CRY1: variants seen among roughly 807,000 people sequenced by gnomAD.
CRY1 encodes cryptochrome-1.
In CRY1, 45 loss-of-function variants were observed where a neutral mutation model predicts 76.0. That is an observed-to-expected ratio of 0.59 (90% CI 0.47 to 0.76). The LOEUF (loss-of-function observed/expected upper bound fraction) is 0.76. Among genes scored for constraint, CRY1 ranks in the 30% least tolerant of loss-of-function variants. CRY1 has a pLI of 0.00. For missense variants in CRY1, 587 were observed against 716.4 expected (o/e 0.82, Z 2.06); for synonymous variants, 248 against 244.0 (o/e 1.02, Z -0.15).
chr12:107,000,152 G>T, intron 5 of CRY1, 70 bp from the exon 6 acceptor site: 2 of 1,455,998 alleles, frequency 1.4e-6, no homozygotes, highest in Non-Finnish European at 1.8e-6. Flanking sequence ...TCAGAATGGA[G>T]ATTTTTTTTT....
chr12:107,073,133 T>C (rs1201716538), intron 1 of CRY1: 1 of 151,942 alleles, frequency 6.6e-6, no homozygotes, highest in Admixed American at 6.6e-5. Flanking sequence ...TATATCATCT[T>C]TGGGTGGGAA....
At chr12:107,071,143 C>T (rs1953186814) in intron 1 of CRY1, among the ~76,000 whole-genome samples, 1 of 152,048 alleles carries the variant, frequency 6.6e-6, no homozygotes, top group South Asian at 2.1e-4. Flanking sequence ...TAGTTAGTAC[C>T]TCTGGCACAA....
At chr12:107,085,898 A>C (rs1953394304) in intron 1 of CRY1, among the ~76,000 whole-genome samples, 1 of 152,160 alleles carries the variant, frequency 6.6e-6, no homozygotes, top group African/African-American at 2.4e-5. Flanking sequence ...CAAAAACAAA[A>C]AACCTCATAC....
intron 10 of CRY1, among the ~76,000 whole-genome samples, chr12:106,996,083 T>A (rs1952230772): frequency 6.6e-6 from 1 of 152,162 alleles, no homozygotes; most frequent in Non-Finnish European, 1.5e-5. Flanking sequence ...CAACCTCAGG[T>A]GATCCACCCA....
intron 1 of CRY1, among the ~76,000 whole-genome samples, chr12:107,087,029 A>G (rs1953410522): frequency 6.6e-6 from 1 of 152,124 alleles, no homozygotes; most frequent in South Asian, 2.1e-4. Flanking sequence ...AAAGAAAGGA[A>G]AAGAAAAGAG....
intron 1 of CRY1, among the ~76,000 whole-genome samples, chr12:107,028,855 G>GA (rs1236433321): frequency 1.3e-5 from 2 of 151,354 alleles, no homozygotes; most frequent in African/African-American, 4.9e-5. Flanking sequence ...GGAAAGTTCA[G>GA]AAAAAAAAGC....
At chr12:107,005,068 A>T in intron 3 of CRY1, 38 bp downstream of exon 3, 1 of 1,574,844 alleles carries the variant, frequency 6.3e-7, no homozygotes, top group Non-Finnish European at 8.7e-7. Context: ...ATTATGTTAT[A>T]CGCATTTTCC....
At chr12:107,036,586 T>G (rs1356728091) in intron 1 of CRY1, among the ~76,000 whole-genome samples, 1 of 109,478 alleles carries the variant, frequency 9.1e-6, no homozygotes, top group Non-Finnish European at 1.6e-5. Context: ...AAGTTGGTGG[T>G]TTTTTTTTTT....
rs1952565203 is a variant in CRY1 at position 107,022,100 on chromosome 12, AAC to A, written c.249_250del (p.Phe84SerfsTer11). The A allele has an allele frequency of 1.2e-6, 2 of 1,602,086 alleles. No individual in the cohort carries two copies. The highest frequency in any genetic ancestry group is 1.7e-5 in the Admixed American group (1 of 58,602). ...TCAAATTACCTTGAAAAGCCTGGGA[AAC>A]ACATCTGCTGGTTGTCCACGAATCA... On this transcript the variant is annotated frameshift_variant, in exon 2 of 13. Coordinates refer to ENST00000008527, the MANE Select transcript of CRY1 (RefSeq NM_004075.5). LOFTEE classifies it high-confidence loss of function.
At chr12:107,066,540 C>T (rs975928610) in intron 1 of CRY1, among the ~76,000 whole-genome samples, 9 of 151,940 alleles carry the variant, frequency 5.9e-5, no homozygotes, top group African/African-American at 2.2e-4. Flanking sequence ...ACTGCAGCCT[C>T]GACCTCCCAG....
At chr12:107,019,234 T>C (rs1446737737) in intron 2 of CRY1, among the ~76,000 whole-genome samples, 1 of 151,936 alleles carries the variant, frequency 6.6e-6, no homozygotes, top group Non-Finnish European at 1.5e-5. Flanking sequence ...TTTAAACATA[T>C]GCACGTTGAA....
chr12:107,032,664 T>C (rs1033131758), intron 1 of CRY1, among the ~76,000 whole-genome samples: 2 of 152,122 alleles, frequency 1.3e-5, no homozygotes, highest in Non-Finnish European at 2.9e-5. Flanking sequence ...ATTAAATTAG[T>C]TGGGCATGAT....
intron 10 of CRY1, among the ~76,000 whole-genome samples, chr12:106,996,282 C>T (rs1952232207): frequency 6.6e-6 from 1 of 152,176 alleles, no homozygotes; most frequent in African/African-American, 2.4e-5. Context: ...TCCATCATGT[C>T]CCTGCAAAGA....
At chr12:107,036,722 G>C (rs1952737172) in intron 1 of CRY1, among the ~76,000 whole-genome samples, 1 of 151,856 alleles carries the variant, frequency 6.6e-6, no homozygotes. Context: ...TGTCCTCCTT[G>C]GGATCCTGTG....
chr12:107,079,526 G>GACTC (rs1308287680), intron 1 of CRY1, among the ~76,000 whole-genome samples: 1 of 152,126 alleles, frequency 6.6e-6, no homozygotes, highest in Admixed American at 6.6e-5. Flanking sequence ...AAGCCTGTTT[G>GACTC]ACTCAGGCAA....
chr12:107,056,110 T>C (rs1952979823), intron 1 of CRY1, among the ~76,000 whole-genome samples: 1 of 152,194 alleles, frequency 6.6e-6, no homozygotes, highest in African/African-American at 2.4e-5. Context: ...ACCTTAATAG[T>C]GGTTTTGACA....
At chr12:107,092,738 C>T (rs1016492606) in intron 1 of CRY1, 66 bp downstream of exon 1, 1 of 1,589,354 alleles carries the variant, frequency 6.3e-7, no homozygotes. Context: ...TGGCGGATCG[C>T]ATGGAATTCA....
chr12:107,000,805 A>AT, intron 5 of CRY1, among the ~76,000 whole-genome samples: 1 of 150,736 alleles, frequency 6.6e-6, no homozygotes, highest in Non-Finnish European at 1.5e-5. Flanking sequence ...ACACACCACC[A>AT]CCCTGGCTAA....
In CRY1 at chr12:106,997,883, T is replaced by G. The variant is rs754071476; in HGVS notation, c.1289+32A>C. The G allele has an allele frequency of 5.0e-6, 8 of 1,604,560 alleles. No homozygotes were observed. In the South Asian group the frequency reaches 9.0e-5, roughly 18 times the overall value. On this transcript the variant is annotated intron_variant, in intron 8 of 12. Transcript: ENST00000008527. ...GAAAAGCTCTTCTTGAATTAACTAT[T>G]CCAAACTGAGTAGTAATCACCCTTG...
Sources: allele counts gnomAD v4.1 joint callset (sites outside exome capture counted in the v4.1 genomes callset), GRCh38; gene constraint gnomAD v4.1.1; transcripts MANE v1.5; gene names NCBI Gene and HGNC (gene_info 2026-07-23, HGNC 2026-07-21).